The following GREB1L variants were observed in gnomAD, a reference collection of about 807,000 sequenced individuals.
GREB1L encodes the protein GREB1-like protein.
A neutral mutation model predicts 200.8 loss-of-function variants in GREB1L; 17 were observed. The observed-to-expected ratio is 0.08, with a 90% CI of 0.06 to 0.13. GREB1L has a LOEUF of 0.13. Ranked by LOEUF, GREB1L falls within the 10% of genes least tolerant of loss-of-function variation. The pLI, the probability that GREB1L is intolerant of heterozygous loss-of-function variation, is 1.00. For synonymous variants in GREB1L, 789 were observed against 893.0 expected (o/e 0.88, Z 2.08); for missense variants, 1,657 against 2,367.7 (o/e 0.70, Z 6.23).
At chr18:21,265,155 G>A (rs1329657589) in intron 1 of GREB1L, among the ~76,000 whole-genome samples, 4 of 152,120 alleles carry the variant, frequency 2.6e-5, no homozygotes, top group Admixed American at 1.3e-4. Context: ...CAAATACCCT[G>A]AATACTAGTA....
intron 5 of GREB1L, among the ~76,000 whole-genome samples, chr18:21,396,178 G>A (rs2041057704): frequency 6.6e-6 from 1 of 151,626 alleles, no homozygotes; most frequent in African/African-American, 2.4e-5. Flanking sequence ...CCGAGTAGCT[G>A]GGATTACAGG....
intron 15 of GREB1L, among the ~76,000 whole-genome samples, chr18:21,465,525 TAAA>T (rs2035231223): frequency 6.6e-6 from 1 of 151,988 alleles, no homozygotes; most frequent in Non-Finnish European, 1.5e-5. Flanking sequence ...AACACAACAA[TAAA>T]AAGTAACAAA....
chr18:21,342,464 C>G (rs1449190719), intron 1 of GREB1L, among the ~76,000 whole-genome samples: 2 of 152,012 alleles, frequency 1.3e-5, no homozygotes, highest in Non-Finnish European at 2.9e-5. Context: ...TTCTTTGTAT[C>G]TTATTTGAAT....
intron 1 of GREB1L, among the ~76,000 whole-genome samples, chr18:21,330,081 T>G (rs1259846287): frequency 1.3e-5 from 2 of 152,064 alleles, no homozygotes; most frequent in Non-Finnish European, 2.9e-5. Context: ...AAGCCAGTTC[T>G]TATAGAACAT....
chr18:21,435,188 G>C (rs2033457021), intron 7 of GREB1L: 1 of 152,668 alleles, frequency 6.6e-6, no homozygotes, highest in Non-Finnish European at 1.5e-5. Flanking sequence ...CTCCCTGCCA[G>C]TTGAAGAGAG....
At chr18:21,425,464 G>C (rs1334010228) in intron 7 of GREB1L, among the ~76,000 whole-genome samples, 2 of 152,176 alleles carry the variant, frequency 1.3e-5, no homozygotes, top group Non-Finnish European at 2.9e-5. Context: ...AAAATCATTT[G>C]AGAACTGTTT....
At chr18:21,290,544 C>T (rs1256672626) in intron 1 of GREB1L, among the ~76,000 whole-genome samples, 1 of 152,040 alleles carries the variant, frequency 6.6e-6, no homozygotes, top group African/African-American at 2.4e-5. Flanking sequence ...ACTATCTCAC[C>T]AGGTGCAGTG....
At chr18:21,400,740 G>A (rs912177931) in intron 5 of GREB1L, among the ~76,000 whole-genome samples, 4 of 152,184 alleles carry the variant, frequency 2.6e-5, no homozygotes, top group African/African-American at 7.2e-5. Context: ...AGGCAAGTTC[G>A]AGTGGTAGAG....
chr18:21,506,196 T>C (rs946052758), intron 25 of GREB1L, among the ~76,000 whole-genome samples: 3 of 152,022 alleles, frequency 2.0e-5, no homozygotes, highest in African/African-American at 7.2e-5. Flanking sequence ...AAGTTCGTGA[T>C]CATCCTGGCC....
chr18:21,444,667 C>A (rs2034106485), intron 11 of GREB1L, among the ~76,000 whole-genome samples: 1 of 152,084 alleles, frequency 6.6e-6, no homozygotes, highest in Non-Finnish European at 1.5e-5. Context: ...CATGATGCTG[C>A]AAAGGTCTCC....
chr18:21,337,424 C>T (rs947951757), intron 1 of GREB1L, among the ~76,000 whole-genome samples: 4 of 152,146 alleles, frequency 2.6e-5, no homozygotes, highest in African/African-American at 7.2e-5. Context: ...TCAAATGCTA[C>T]AGGCATCCAA....
intron 1 of GREB1L, among the ~76,000 whole-genome samples, chr18:21,276,072 C>A (rs1172370678): frequency 6.6e-6 from 1 of 152,202 alleles, no homozygotes; most frequent in Non-Finnish European, 1.5e-5. Flanking sequence ...GTTCCTTCCT[C>A]ATTCTCATTC....
chr18:21,266,883 CT>C (rs1306640253), intron 1 of GREB1L, among the ~76,000 whole-genome samples: 4 of 152,080 alleles, frequency 2.6e-5, no homozygotes, highest in Non-Finnish European at 5.9e-5. Flanking sequence ...TGATTTATTT[CT>C]TCTCTTATTG....
intron 32 of GREB1L, among the ~76,000 whole-genome samples, chr18:21,521,468 G>A (rs1367328802): frequency 6.6e-6 from 1 of 152,098 alleles, no homozygotes; most frequent in Non-Finnish European, 1.5e-5. Context: ...TGAAGAAAGT[G>A]AGGTTCAGAA....
At position 21,383,512 on chromosome 18, in the gene GREB1L, G is replaced by A. The variant is rs73432789; in HGVS notation, c.-7G>A. 1.4e-3 allele frequency: 2,087 copies of A among 1,530,720 alleles called. 29 individuals carry two copies. In the African/African-American group the frequency reaches 0.027, roughly 19 times the overall value. The allele number at this position is 1,530,720 out of a possible 1,614,324, so 94.8% of individuals were successfully genotyped here. A position where few individuals can be genotyped will look rare whatever the true frequency, so the allele number is the denominator to read the frequency against. The stretch of plus-strand genomic sequence containing the variant: ...TTCTTTTTCTTGGGGATGGGTAGGT[G>A]TAGATCATGGGGAATTCATATGCTG... On this transcript the variant is annotated splice_region_variant and 5_prime_UTR_variant, in exon 3 of 33. Transcript: ENST00000424526.
chr18:21,485,583 T>A, intron 17 of GREB1L, 37 bp from the exon 18 acceptor site: 1 of 1,543,314 alleles, frequency 6.5e-7, no homozygotes, highest in Admixed American at 2.0e-5. Context: ...CACTGTATCC[T>A]GTCCTCATTG....
intron 7 of GREB1L, among the ~76,000 whole-genome samples, chr18:21,437,831 T>C (rs1214938046): frequency 6.6e-6 from 1 of 152,200 alleles, no homozygotes; most frequent in Non-Finnish European, 1.5e-5. Flanking sequence ...AGCCAACTGT[T>C]TTAAAAAAAT....
chr18:21,524,367 T>C lies in GREB1L; in HGVS notation c.*1546T>C, dbSNP rs996958355. ...AGCTACTTATAATGCTTTAACTGTA[T>C]TTTGAAGTGAACAATTCCTTTTAAC... On this transcript the variant is annotated 3_prime_UTR_variant, in exon 33 of 33. Coordinates refer to ENST00000424526, the MANE Select transcript of GREB1L (RefSeq NM_001142966.3). 3 of 152,226 alleles carry C rather than the reference T, an allele frequency of 2.0e-5. No homozygotes were observed. The highest frequency in any genetic ancestry group is 6.5e-5 in the Admixed American group (1 of 15,284). The allele number at this position is 152,226 out of a possible 1,614,324, so 9.4% of individuals were successfully genotyped here. A position where few individuals can be genotyped will look rare whatever the true frequency, so the allele number is the denominator to read the frequency against.
intron 2 of GREB1L, among the ~76,000 whole-genome samples, chr18:21,373,103 G>A (rs2039943387): frequency 6.6e-6 from 1 of 152,020 alleles, no homozygotes; most frequent in African/African-American, 2.4e-5. Context: ...ATGCTTCCTA[G>A]GTGGTGAGTG....
Sources: gnomAD v4.1 joint callset for allele counts (sites outside exome capture counted in the v4.1 genomes callset) on GRCh38, gnomAD v4.1.1 for gene constraint, MANE v1.5 for transcripts, NCBI Gene and HGNC (gene_info 2026-07-23, HGNC 2026-07-21) for gene names.